The following DLX2 variants were observed in gnomAD, a reference collection of about 807,000 sequenced individuals.
DLX2 encodes homeobox protein DLX-2.
Under a neutral mutation model 27.4 loss-of-function variants are expected in DLX2, and 8 were observed. That is an observed-to-expected ratio of 0.29 (90% CI 0.17 to 0.53). DLX2 has a LOEUF of 0.53. DLX2 is among the 20% of genes least tolerant of loss of function. The pLI is 0.96. For missense variants in DLX2, 421 were observed against 450.9 expected (o/e 0.93, Z 0.60); for synonymous variants, 210 against 200.8 (o/e 1.05, Z -0.39).
In DLX2 at chr2:172,102,261, T is replaced by C. The variant is rs750199207; in HGVS notation, c.278A>G (p.Gln93Arg). The change falls in exon 1 of 3, where the codon CAA becomes CGA. Residue 93 changes from glutamine to arginine, a missense_variant. Coordinates refer to ENST00000234198, the MANE Select transcript of DLX2 (RefSeq NM_004405.4). ...PYAHMGSYQY[Q>R]ASGLNNVPYS... ...AGGGACGTTGTTGAGGCCGCTGGCTTGGTACTGGTAGGAACCCATGTGCGC... is the reference window on the plus strand; with the variant it reads ...AGGGACGTTGTTGAGGCCGCTGGCTCGGTACTGGTAGGAACCCATGTGCGC... 2.4e-5 allele frequency: 38 copies of C among 1,613,976 alleles called. No homozygotes were observed. The highest frequency in any genetic ancestry group is 3.0e-5 in the Non-Finnish European group (35 of 1,180,002).
rs1691190473 is a variant in DLX2 at position 172,102,789 on chromosome 2, G to C, written c.-251C>G. On this transcript the variant is annotated 5_prime_UTR_variant, in exon 1 of 3. Coordinates refer to ENST00000234198, the MANE Select transcript of DLX2 (RefSeq NM_004405.4). ...CCGCTCGGCTCCTTGCCCAGCGCGA[G>C]CGCGGGCTCTGGCGGGGGGCGGGCA... The C allele has an allele frequency of 4.7e-6, 2 of 428,404 alleles. No homozygotes were observed. The highest frequency in any genetic ancestry group is 8.2e-6 in the Non-Finnish European group (2 of 245,144). The allele number at this position is 428,404 out of a possible 1,614,324, so 26.5% of individuals were successfully genotyped here. A position where few individuals can be genotyped will look rare whatever the true frequency, so the allele number is the denominator to read the frequency against.
In DLX2 at chr2:172,099,772, G is replaced by A. The variant is rs1447179846; in HGVS notation, c.*771C>T. On this transcript the variant is annotated 3_prime_UTR_variant, in exon 3 of 3. Coordinates refer to ENST00000234198, the MANE Select transcript of DLX2 (RefSeq NM_004405.4). ...CTTTATTTACAAACTCTGTGTCCAAGTCCAGGCTAATAATCCTGAATAGGT... is the reference window on the plus strand; with the variant it reads ...CTTTATTTACAAACTCTGTGTCCAAATCCAGGCTAATAATCCTGAATAGGT... The A allele has an allele frequency of 6.6e-6, 1 of 152,514 alleles. No individual in the cohort carries two copies. Among genetic ancestry groups the A allele is most frequent in the African/African-American group, 2.4e-5 (1 of 41,426 alleles). 9.4% of individuals were successfully genotyped at this position (152,514 alleles called of 1,614,324 possible).
Position 172,102,405 on chromosome 2 carries a change from C to CTGA in DLX2, c.133_134insTCA (p.Ser44_Ser45insIle). 1.9e-6 allele frequency: 3 copies of CTGA among 1,550,332 alleles called. No homozygotes were observed. The highest frequency in any genetic ancestry group is 2.6e-6 in the Non-Finnish European group (3 of 1,147,016). On this transcript the variant is annotated inframe_insertion, in exon 1 of 3. Coordinates refer to ENST00000234198, the MANE Select transcript of DLX2 (RefSeq NM_004405.4). The stretch of plus-strand genomic sequence containing the variant: ...CGACTCCTGGGGCTTGTGGAGGCTG[C>CTGA]TGCTGCTGCTGCTGTTGCCACCCGG...
Position 172,102,167 on chromosome 2 carries a change from G to T in DLX2, c.372C>A (p.Thr124=), listed in dbSNP as rs1234839794. 9 of 1,613,892 alleles carry T rather than the reference G, an allele frequency of 5.6e-6. No homozygotes were observed. Among genetic ancestry groups the T allele is most frequent in the East Asian group, 2.2e-5 (1 of 44,896 alleles). Residue 124 remains threonine (T), a synonymous_variant, in exon 1 of 3, where the codon ACC becomes ACA. Coordinates refer to ENST00000234198, the MANE Select transcript of DLX2 (RefSeq NM_004405.4). ...GCTCGTTGTTGGCTGGGGACGAACT[G>T]GTTCCATAGGGAGCGTAGGAGGTGT... ...AAYTSYAPYG[T]SSSPANNEPE...
intron 2 of DLX2, 145 bp from the exon 3 acceptor site, chr2:172,101,089 G>T (rs1472905339): frequency 1.1e-6 from 1 of 891,902 alleles, no homozygotes; most frequent in African/African-American, 1.7e-5. Context: ...GATCACGGGC[G>T]GCGGCCTTCG....
In DLX2 at chr2:172,102,284, C is replaced by A. The variant is rs73020503; in HGVS notation, c.255G>T (p.Ala85=). ...GGGGGGGSPY[A]HMGSYQYQAS... is the part of the protein sequence containing the mutation. ...CTTGGTACTGGTAGGAACCCATGTG[C>A]GCGTAGGGCGAGCCCCCGCCGCCGC... Residue 85 remains alanine, a synonymous_variant, in exon 1 of 3, where the codon GCG becomes GCT. Coordinates refer to ENST00000234198, the MANE Select transcript of DLX2 (RefSeq NM_004405.4). 1.9e-6 allele frequency: 3 copies of A among 1,612,766 alleles called. No homozygotes were observed. The highest frequency in any genetic ancestry group is 2.7e-5 in the African/African-American group (2 of 74,844).
intron 2 of DLX2, 81 bp downstream of exon 2, chr2:172,101,381 A>G (rs1163768190): frequency 7.2e-7 from 1 of 1,387,602 alleles, no homozygotes; most frequent in Non-Finnish European, 9.8e-7. Context: ...ATGAACTTTA[A>G]AAAGCATTGT....
rs1346207370 is a variant in DLX2, at chr2:172,102,755, C to A, written c.-217G>T. On this transcript the variant is annotated 5_prime_UTR_variant, in exon 1 of 3. Coordinates refer to ENST00000234198, the MANE Select transcript of DLX2 (RefSeq NM_004405.4). ...TGCCTCTGGTCGCATCCTCTTTCGG[C>A]CTCTGGGCCCGCTCGGCTCCTTGCC... 1.2e-5 allele frequency: 6 copies of A among 505,492 alleles called. No homozygotes were observed. Among genetic ancestry groups the A allele is most frequent in the South Asian group, 3.4e-5 (1 of 29,404 alleles). The allele number at this position is 505,492 out of a possible 1,614,324, so 31.3% of individuals were successfully genotyped here.
intron 1 of DLX2, 126 bp from the exon 2 acceptor site, chr2:172,101,772 C>T (rs958231183): frequency 6.4e-6 from 7 of 1,088,480 alleles, no homozygotes; most frequent in Non-Finnish European, 9.2e-6. Context: ...TGTGGCGCCA[C>T]GGGCAGGCGC....
At position 172,101,468 on chromosome 2, in the gene DLX2, C is replaced by T. The variant is rs975042569; in HGVS notation, c.579G>A (p.Gln193=). Residue 193 remains glutamine (Q), a synonymous_variant, in exon 2 of 3, where the codon CAG becomes CAA. Transcript: ENST00000234198. ...TGCAGGGCGCGAGCCCCACCTGAGT[C>T]TGGGTGAGGCCCAGAGAGGCCGCCA... The part of the protein sequence containing the change: ...AELAASLGLT[Q]TQVKIWFQNR... 6.2e-7 allele frequency: 1 copy of T among 1,601,440 alleles called. No homozygotes were observed. The highest frequency in any genetic ancestry group is 1.1e-5 in the South Asian group (1 of 89,764).
In DLX2 at chr2:172,102,317, C is replaced by T. The variant is rs755789018; in HGVS notation, c.222G>A (p.Ala74=). The T allele has an allele frequency of 1.9e-6, 3 of 1,608,344 alleles. No individual in the cohort carries two copies. Among genetic ancestry groups the T allele is most frequent in the South Asian group, 2.2e-5 (2 of 90,644 alleles). ...SSYYTNQQHP[A]GGGGGGGSPY... ...GCGAGCCCCCGCCGCCGCCGCCGCC[C>T]GCCGGGTGCTGCTGGTTGGTGTAGT... is the stretch of plus-strand genomic sequence containing the variant. The change falls in exon 1 of 3, where the codon GCG becomes GCA. Residue 74 remains alanine (A), a synonymous_variant. Coordinates refer to ENST00000234198, the MANE Select transcript of DLX2 (RefSeq NM_004405.4).
intron 2 of DLX2, 83 bp from the exon 3 acceptor site, chr2:172,101,027 G>A (rs1691145219): frequency 1.4e-6 from 2 of 1,467,240 alleles, no homozygotes; most frequent in African/African-American, 2.9e-5. Context: ...AAAGAAGGCA[G>A]AGAAAAACCG....
At position 172,102,614 on chromosome 2, in the gene DLX2, C is replaced by T. The variant is rs1004077348; in HGVS notation, c.-76G>A. ...AGGCGCCTCCTCTGTCTCTCCCGGTCCCCTCCAGCAGCCAATGTAATTACG... is the reference window on the plus strand; with the variant it reads ...AGGCGCCTCCTCTGTCTCTCCCGGTTCCCTCCAGCAGCCAATGTAATTACG... On this transcript the variant is annotated 5_prime_UTR_variant, in exon 1 of 3. Coordinates refer to ENST00000234198, the MANE Select transcript of DLX2 (RefSeq NM_004405.4). 44 of 1,385,182 alleles carry T rather than the reference C, an allele frequency of 3.2e-5. No homozygotes were observed. Among genetic ancestry groups the T allele is most frequent in the Non-Finnish European group, 3.7e-5 (39 of 1,041,868 alleles). 85.8% of individuals were successfully genotyped at this position (1,385,182 alleles called of 1,614,324 possible). A position where few individuals can be genotyped will look rare whatever the true frequency, so the allele number is the denominator to read the frequency against.
intron 1 of DLX2, among the ~76,000 whole-genome samples, 171 bp from the exon 2 acceptor site, chr2:172,101,817 C>T (rs1487325058): frequency 6.6e-6 from 1 of 152,248 alleles, no homozygotes. Flanking sequence ...CGCCACCGAC[C>T]CCGGGAGCTG....
chr2:172,100,584 C>CGTGATGGTG lies in DLX2; in HGVS notation c.937_945dup (p.His313_His315dup). 6.3e-7 allele frequency: 1 copy of CGTGATGGTG among 1,579,050 alleles called. No individual in the cohort carries two copies. Among genetic ancestry groups the CGTGATGGTG allele is most frequent in the South Asian group, 1.1e-5 (1 of 87,064 alleles). The stretch of plus-strand genomic sequence containing the variant: ...GCGCTCACCGGGGCGCCCCCGCCGC[C>CGTGATGGTG]GTGATGGTGGTGGTGGTGATGCGGC... On this transcript the variant is annotated inframe_insertion, in exon 3 of 3. Transcript: ENST00000234198. The surrounding 1 kb of genome is among the most constrained non-coding windows in gnomAD (Gnocchi z 4.5).
At chr2:172,102,003 T>C in intron 1 of DLX2, 136 bp downstream of exon 1, 13 of 1,412,836 alleles carry the variant, frequency 9.2e-6, no homozygotes, top group Non-Finnish European at 1.2e-5. Flanking sequence ...CTGGGGAGGG[T>C]AAAGGGCACA....
rs1040058256 is a variant in DLX2, at chr2:172,099,553, A to T, written c.*990T>A. 3.3e-5 allele frequency: 5 copies of T among 152,700 alleles called. No individual in the cohort carries two copies. Among genetic ancestry groups the T allele is most frequent in the Non-Finnish European group, 7.3e-5 (5 of 68,044 alleles). 9.5% of individuals were successfully genotyped at this position (152,700 alleles called of 1,614,324 possible). ...AATACCTTTCATTTCAACAACAAAGACTTTAGGATACGATAAAACAAATCC... is the reference window on the plus strand; with the variant it reads ...AATACCTTTCATTTCAACAACAAAGTCTTTAGGATACGATAAAACAAATCC... On this transcript the variant is annotated 3_prime_UTR_variant, in exon 3 of 3. Coordinates refer to ENST00000234198, the MANE Select transcript of DLX2 (RefSeq NM_004405.4).
chr2:172,102,082 C>T (rs2105533904), intron 1 of DLX2, 57 bp downstream of exon 1: 1 of 1,558,536 alleles, frequency 6.4e-7, no homozygotes, highest in Admixed American at 1.9e-5. Context: ...ACACGTTTAC[C>T]CATCCATCCC....
In DLX2 at chr2:172,102,465, T is replaced by C. The variant is rs760065647; in HGVS notation, c.74A>G (p.Gln25Arg). 6 of 1,549,732 alleles carry C rather than the reference T, an allele frequency of 3.9e-6. No homozygotes were observed. In the African/African-American group the frequency reaches 5.5e-5, roughly 14 times the overall value. Reference protein sequence around the residue: ...TQIAASSTYHQHQQPPSGGGA... With the variant: ...TQIAASSTYHRHQQPPSGGGA... Reference sequence around the variant, plus strand: ...GCCGCCGCTCGGGGGCTGCTGGTGCTGGTGGTACGTGCTGGAGGCGGCGAT... The same window carrying C: ...GCCGCCGCTCGGGGGCTGCTGGTGCCGGTGGTACGTGCTGGAGGCGGCGAT... The change falls in exon 1 of 3, where the codon CAG becomes CGG. Residue 25 changes from glutamine to arginine, a missense_variant. Gln to Arg is a conservative substitution (Grantham distance 43). Coordinates refer to ENST00000234198, the MANE Select transcript of DLX2 (RefSeq NM_004405.4).
Sources: allele counts gnomAD v4.1 joint callset (sites outside exome capture counted in the v4.1 genomes callset), GRCh38; gene constraint gnomAD v4.1.1; non-coding constraint Gnocchi (gnomAD v3.1); transcripts MANE v1.5; gene names NCBI Gene and HGNC (gene_info 2026-07-23, HGNC 2026-07-21).